Variants in COQ8A observed in about 807,000 individuals in gnomAD.
The protein encoded by COQ8A is coenzyme Q8A.
Under a neutral mutation model 65.0 loss-of-function variants are expected in COQ8A, and 51 were observed. The observed-to-expected ratio is 0.78, with a 90% CI of 0.63 to 0.99. COQ8A has a LOEUF of 0.99. Ranked by LOEUF, COQ8A falls within the 50% of genes least tolerant of loss-of-function variation. The pLI, the probability that COQ8A is intolerant of heterozygous loss-of-function variation, is 0.00. For missense variants in COQ8A, 940 were observed against 875.0 expected, an observed-to-expected ratio of 1.07 and a Z score of -0.94; for synonymous variants, 371 against 353.2, an observed-to-expected ratio of 1.05 and a Z score of -0.57.
At chr1:226,984,479 T>A in intron 11 of COQ8A, 69 bp from the exon 12 acceptor site, 1 of 1,415,136 alleles carries the variant, frequency 7.1e-7, no homozygotes, top group Non-Finnish European at 1.0e-6. Flanking sequence ...GGGGCTTCTC[T>A]GGCCCCAGTC....
chr1:226,968,708 G>T (rs1408784034), intron 4 of COQ8A, among the ~76,000 whole-genome samples: 1 of 152,194 alleles, frequency 6.6e-6, no homozygotes, highest in African/African-American at 2.4e-5. Flanking sequence ...GGTTTTCAGC[G>T]AGGTTGGCAG....
intron 6 of COQ8A, 178 bp downstream of exon 6, chr1:226,982,327 A>G: frequency 2.1e-6 from 2 of 961,784 alleles, no homozygotes; most frequent in Non-Finnish European, 3.0e-6. Flanking sequence ...GTCCAAAGAA[A>G]CACATGGAAT....
chr1:226,963,366 C>A (rs1402891689), intron 2 of COQ8A, among the ~76,000 whole-genome samples: 2 of 152,240 alleles, frequency 1.3e-5, no homozygotes, highest in African/African-American at 4.8e-5. Context: ...CTCCCTCCAG[C>A]CCCTCAAGGT....
chr1:226,948,871 G>A (rs1348666772), intron 1 of COQ8A, among the ~76,000 whole-genome samples: 1 of 152,180 alleles, frequency 6.6e-6, no homozygotes, highest in African/African-American at 2.4e-5. Flanking sequence ...GGAATCAAGG[G>A]CCTGAATAGG....
intron 4 of COQ8A, among the ~76,000 whole-genome samples, chr1:226,967,365 C>T (rs1330388190): frequency 1.3e-5 from 2 of 152,192 alleles, no homozygotes; most frequent in Admixed American, 1.3e-4. Context: ...TCACTCTAGA[C>T]TCTTGGTGAG....
In COQ8A at chr1:226,959,443, G is replaced by A. The variant is rs1658010320; in HGVS notation, c.-9-1934G>A. On this transcript the variant is annotated intron_variant, in intron 1 of 14. Coordinates refer to ENST00000366777, the MANE Select transcript of COQ8A (RefSeq NM_020247.5). ...CTTAAAAAAAAAAAAAGTACCTGATGTTGATGAGGTGTGAAGGGTTCACTT... is the reference window on the plus strand; with the variant it reads ...CTTAAAAAAAAAAAAAGTACCTGATATTGATGAGGTGTGAAGGGTTCACTT... 2.0e-5 allele frequency among the ~76,000 whole-genome samples: 3 copies of A among 152,136 alleles called. No homozygotes were observed. The South Asian group carries it at 6.2e-4, about 32-fold the overall frequency.
chr1:226,960,328 ATCAG>A (rs1348721936), intron 1 of COQ8A, among the ~76,000 whole-genome samples: 9 of 1,070 alleles, frequency 8.4e-3, no homozygotes, highest in Middle Eastern at 0.5. Context: ...TGGTGGTGGT[ATCAG>A]TGGTACTTGG....
chr1:226,985,893 A>C (rs1660078267), intron 14 of COQ8A, among the ~76,000 whole-genome samples: 1 of 152,122 alleles, frequency 6.6e-6, no homozygotes, highest in African/African-American at 2.4e-5. Context: ...TCTCAGCTGT[A>C]AGCGCTCAGC....
chr1:226,952,519 G>T (rs1657446582), intron 1 of COQ8A, among the ~76,000 whole-genome samples: 1 of 151,648 alleles, frequency 6.6e-6, no homozygotes, highest in African/African-American at 2.4e-5. Context: ...GGGCTCAAGC[G>T]ATCCTCCCAC....
At chr1:226,976,696 G>A (rs1364113717) in intron 4 of COQ8A, among the ~76,000 whole-genome samples, 3 of 152,152 alleles carry the variant, frequency 2.0e-5, no homozygotes, top group African/African-American at 7.2e-5. Context: ...TGGCTTTCTT[G>A]AGCAGCTGGG....
rs1176842382 is a variant in COQ8A at position 226,982,684 on chromosome 1, C to T, written c.860C>T (p.Ala287Val). ...TCATTCTCCTGCCTTCCAGATGATG[C>T]CTTTATCAACCCCCACCTGGCTAAG... ...LGQMLSIQDDAFINPHLAKIF... is the reference protein window; with the variant it reads ...LGQMLSIQDDVFINPHLAKIF... Residue 287 changes from alanine (A) to valine (V), a missense_variant, in exon 7 of 15, where the codon GCC becomes GTC. By Grantham distance (64) the Ala-to-Val change is moderately conservative. Coordinates refer to ENST00000366777, the MANE Select transcript of COQ8A (RefSeq NM_020247.5). 2.5e-6 allele frequency: 4 copies of T among 1,613,278 alleles called. No homozygotes were observed. Among genetic ancestry groups the T allele is most frequent in the Non-Finnish European group, 3.4e-6 (4 of 1,179,998 alleles).
chr1:226,960,394 GGTGGT>G (rs1658137953), intron 1 of COQ8A, among the ~76,000 whole-genome samples: 1 of 1,776 alleles, frequency 5.6e-4, no homozygotes, highest in Admixed American at 7.5e-3. Flanking sequence ...TGGTGTCAGT[GGTGGT>G]ACTTGGTGGT....
intron 2 of COQ8A, 124 bp from the exon 3 acceptor site, chr1:226,964,876 G>T: frequency 8.9e-7 from 1 of 1,129,826 alleles, no homozygotes; most frequent in Non-Finnish European, 1.3e-6. Flanking sequence ...GCAGCACTGT[G>T]CCACCTCTGG....
chr1:226,965,215 C>A lies in COQ8A; in HGVS notation c.393C>A (p.Pro131=). 6.2e-7 allele frequency: 1 copy of A among 1,613,650 alleles called. No homozygotes were observed. The highest frequency in any genetic ancestry group is 8.5e-7 in the Non-Finnish European group (1 of 1,179,976). ...ASGPFREAGF[P]GQASSPLGRA... is the part of the protein sequence containing the mutation. ...GACCCTTTAGAGAAGCCGGGTTCCC[C>A]GGCCAGGCCTCCTCCCCTCTGGGCA... The change falls in exon 3 of 15, where the codon CCC becomes CCA. Residue 131 remains proline, a synonymous_variant. Transcript: ENST00000366777.
At chr1:226,959,505 C>T (rs1470974892) in intron 1 of COQ8A, among the ~76,000 whole-genome samples, 1 of 151,828 alleles carries the variant, frequency 6.6e-6, no homozygotes, top group African/African-American at 2.4e-5. Context: ...GGCCCCTAAA[C>T]AGTAGGTCAG....
At position 226,982,679 on chromosome 1, in the gene COQ8A, T is replaced by C. The variant is rs1659775609; in HGVS notation, c.855T>C (p.Asp285=). ...CTGTGTCATTCTCCTGCCTTCCAGA[T>C]GATGCCTTTATCAACCCCCACCTGG... ...LKLGQMLSIQ[D]DAFINPHLAK... The change falls in exon 7 of 15, where the codon GAT becomes GAC. Residue 285 remains aspartate, a splice_region_variant and synonymous_variant. Coordinates refer to ENST00000366777, the MANE Select transcript of COQ8A (RefSeq NM_020247.5). The C allele has an allele frequency of 2.5e-6, 4 of 1,613,124 alleles. No homozygotes were observed. In the Admixed American group the frequency reaches 6.7e-5, roughly 27 times the overall value.
intron 8 of COQ8A, chr1:226,983,257 C>T (rs1659830011): frequency 6.7e-6 from 5 of 751,778 alleles, no homozygotes; most frequent in Non-Finnish European, 1.1e-5. Flanking sequence ...CCCCAGCAAG[C>T]TTGATTTGGG....
chr1:226,986,856 C>G lies in COQ8A; in HGVS notation c.*119C>G. 7.8e-7 allele frequency: 1 copy of G among 1,280,194 alleles called. No individual in the cohort carries two copies. The highest frequency in any genetic ancestry group is 1.1e-6 in the Non-Finnish European group (1 of 920,730). The allele number at this position is 1,280,194 out of a possible 1,614,324, so 79.3% of individuals were successfully genotyped here. ...CTCCTTTGCCCAATAAGGGGGGTGG[C>G]TGCCTGGAGCCCCGTAGCCAGCGCT... On this transcript the variant is annotated 3_prime_UTR_variant, in exon 15 of 15. Transcript: ENST00000366777.
rs75286417 is a variant in COQ8A at position 226,965,995 on chromosome 1, T to C, written c.655+258T>C. ...TGCTGTGCCAGGAGCTGAGTTTGGA[T>C]TGCCCGGCAGGCCTCGCCTGGAGGC... On this transcript the variant is annotated intron_variant, in intron 4 of 14. Transcript: ENST00000366777. Among the ~76,000 whole-genome samples, 5,986 of 152,246 alleles carry C rather than the reference T, an allele frequency of 0.039. 378 individuals are homozygous for C. Among genetic ancestry groups the C allele is most frequent in the African/African-American group, 0.13 (5,322 of 41,540 alleles).
Sources: allele counts gnomAD v4.1 joint callset (sites outside exome capture counted in the v4.1 genomes callset), GRCh38; gene constraint gnomAD v4.1.1; transcripts MANE v1.5; gene names NCBI Gene and HGNC (gene_info 2026-07-23, HGNC 2026-07-21).